Variants in SLC24A2 observed in about 807,000 individuals in gnomAD.
SLC24A2 encodes sodium/potassium/calcium exchanger 2.
Under a neutral mutation model 62.0 loss-of-function variants are expected in SLC24A2, and 36 were observed. That is an observed-to-expected ratio of 0.58 (90% CI 0.44 to 0.77). SLC24A2 has a LOEUF of 0.77. Among genes scored for constraint, SLC24A2 ranks in the 30% least tolerant of loss-of-function variants. The pLI, the probability that SLC24A2 is intolerant of heterozygous loss-of-function variation, is 0.00. For synonymous variants in SLC24A2, 358 were observed against 294.0 expected (o/e 1.22, Z -2.23); for missense variants, 846 against 817.9 (o/e 1.03, Z -0.42).
At chr9:19,702,014 C>A (rs1472637627) in intron 2 of SLC24A2, among the ~76,000 whole-genome samples, 1 of 152,200 alleles carries the variant, frequency 6.6e-6, no homozygotes, top group South Asian at 2.1e-4. Flanking sequence ...TTCATTCTGG[C>A]TATAAAAAAA....
chr9:20,167,249 A>G, the SLC24A2 span, among the ~76,000 whole-genome samples: 1 of 152,060 alleles, frequency 6.6e-6, no homozygotes, highest in African/African-American at 2.4e-5. Context: ...TGGCAAGCAA[A>G]TCTTGAACTC....
At chr9:19,743,884 G>A (rs1255133414) in intron 2 of SLC24A2, among the ~76,000 whole-genome samples, 1 of 152,114 alleles carries the variant, frequency 6.6e-6, no homozygotes. Context: ...GTGCAGGTAA[G>A]GAGGATACTT....
the SLC24A2 span, among the ~76,000 whole-genome samples, chr9:19,941,473 A>G: frequency 1.3e-5 from 2 of 152,008 alleles, no homozygotes; most frequent in East Asian, 3.9e-4. Context: ...TCACATATTC[A>G]AACTCCACCT....
chr9:19,602,297 A>G (rs1362012759), intron 4 of SLC24A2, among the ~76,000 whole-genome samples: 1 of 152,214 alleles, frequency 6.6e-6, no homozygotes, highest in Non-Finnish European at 1.5e-5. Context: ...TCATTCTATG[A>G]TTGGGCCAAA....
the SLC24A2 span, among the ~76,000 whole-genome samples, chr9:20,131,027 C>T: frequency 6.6e-6 from 1 of 151,456 alleles, no homozygotes; most frequent in South Asian, 2.1e-4. Context: ...TAATGAAGAA[C>T]AATAGCCTGA....
chr9:20,202,411 T>C, the SLC24A2 span, among the ~76,000 whole-genome samples: 1 of 152,218 alleles, frequency 6.6e-6, no homozygotes, highest in African/African-American at 2.4e-5. Flanking sequence ...GTTCTTCACC[T>C]AACTTGGTGC....
the SLC24A2 span, among the ~76,000 whole-genome samples, chr9:20,005,730 T>C: frequency 1.3e-5 from 2 of 151,984 alleles, no homozygotes; most frequent in African/African-American, 4.8e-5. Flanking sequence ...TAATTTTACA[T>C]TGTTTGTAGA....
intron 2 of SLC24A2, among the ~76,000 whole-genome samples, chr9:19,723,652 G>A (rs1821091305): frequency 6.6e-6 from 1 of 152,006 alleles, no homozygotes; most frequent in African/African-American, 2.4e-5. Context: ...CAGTATAGTT[G>A]AATCAGATAT....
At chr9:20,274,452 C>T in the SLC24A2 span, among the ~76,000 whole-genome samples, 131,286 of 152,206 alleles carry the variant, frequency 0.86, 57,122 homozygotes, top group East Asian at 1. Flanking sequence ...ATTAATATTT[C>T]ACTTGGGTAA....
At chr9:19,707,420 T>C (rs921096910) in intron 2 of SLC24A2, among the ~76,000 whole-genome samples, 3 of 152,232 alleles carry the variant, frequency 2.0e-5, no homozygotes, top group South Asian at 2.1e-4. Flanking sequence ...GCCAGCATCA[T>C]CCTGATACCA....
chr9:19,791,385 G>C (rs1321850690), upstream of SLC24A2, among the ~76,000 whole-genome samples: 1 of 152,208 alleles, frequency 6.6e-6, no homozygotes, highest in Non-Finnish European at 1.5e-5. Context: ...AGCTGCAAGG[G>C]AGTGTAAACA....
intron 2 of SLC24A2, among the ~76,000 whole-genome samples, chr9:19,634,533 C>T (rs1207831554): frequency 6.6e-6 from 1 of 152,114 alleles, no homozygotes; most frequent in Non-Finnish European, 1.5e-5. Flanking sequence ...GGTGATCCGC[C>T]CACCTCGGCC....
chr9:20,237,605 G>A, the SLC24A2 span, among the ~76,000 whole-genome samples: 10 of 152,216 alleles, frequency 6.6e-5, no homozygotes, highest in Admixed American at 2.0e-4. Context: ...TGGGAATGAT[G>A]TGCATTTCTC....
the SLC24A2 span, among the ~76,000 whole-genome samples, chr9:20,034,172 T>C: frequency 6.6e-6 from 1 of 152,160 alleles, no homozygotes; most frequent in East Asian, 1.9e-4. Flanking sequence ...TGCTTGATTA[T>C]CTACACGACC....
intron 2 of SLC24A2, among the ~76,000 whole-genome samples, chr9:19,674,029 A>C (rs1819495668): frequency 6.6e-6 from 1 of 152,182 alleles, no homozygotes; most frequent in Non-Finnish European, 1.5e-5. Flanking sequence ...TTGTTTCAAG[A>C]TTTAGAGCTT....
chr9:19,618,860 T>A (rs1817835966), intron 4 of SLC24A2, among the ~76,000 whole-genome samples: 1 of 152,216 alleles, frequency 6.6e-6, no homozygotes, highest in Non-Finnish European at 1.5e-5. Context: ...ATTTGACACA[T>A]CCGATATCTA....
At chr9:20,107,008 A>G in the SLC24A2 span, among the ~76,000 whole-genome samples, 2 of 152,368 alleles carry the variant, frequency 1.3e-5, no homozygotes, top group East Asian at 3.9e-4. Flanking sequence ...AAGTCTCAGG[A>G]TACAAAATCA....
At chr9:20,296,437 T>A in the SLC24A2 span, among the ~76,000 whole-genome samples, 1 of 152,250 alleles carries the variant, frequency 6.6e-6, no homozygotes, top group Non-Finnish European at 1.5e-5. Flanking sequence ...TAGACATTTT[T>A]TATAAAAAAT....
chr9:19,788,786 T>A (rs1024256150), intron 1 of SLC24A2, 99 bp downstream of exon 1: 10 of 985,276 alleles, frequency 1.0e-5, no homozygotes, highest in Middle Eastern at 5.2e-4. Context: ...GAGCCACCTG[T>A]GAGCCTGCAG....
Sources: gnomAD v4.1 joint callset for allele counts (sites outside exome capture counted in the v4.1 genomes callset) on GRCh38, gnomAD v4.1.1 for gene constraint, MANE v1.5 for transcripts, NCBI Gene and HGNC (gene_info 2026-07-23, HGNC 2026-07-21) for gene names.